ITIH5: variants seen among roughly 807,000 people sequenced by gnomAD.
ITIH5 encodes inter-alpha-trypsin inhibitor heavy chain H5.
In ITIH5, 65 loss-of-function variants were observed where a neutral mutation model predicts 77.5. The observed-to-expected ratio is 0.84, with a 90% CI of 0.69 to 1.03. The LOEUF is 1.03. Among genes scored for constraint, ITIH5 ranks in the 50% least tolerant of loss-of-function variants. The pLI, the probability that ITIH5 is intolerant of heterozygous loss-of-function variation, is 0.00. For synonymous variants in ITIH5, 525 were observed against 494.3 expected, an observed-to-expected ratio of 1.06 and a Z score of -0.82; for missense variants, 1,208 against 1,213.1, an observed-to-expected ratio of 1.00 and a Z score of 0.06.
rs1394220171 is a variant in ITIH5, at chr10:7,559,798, C to T, written c.*3285G>A. ...GGCTTGCAGGTGGCCATCTTCTCAT[C>T]GTATCCCCAGGTGGTGGAGAGGAAA... On this transcript the variant is annotated 3_prime_UTR_variant, in exon 14 of 14. Transcript: ENST00000397146. The T allele has an allele frequency of 2.4e-5, 11 of 455,370 alleles. No homozygotes were observed. The highest frequency in any genetic ancestry group is 7.1e-5 in the Admixed American group (3 of 42,424). 28.2% of individuals were successfully genotyped at this position (455,370 alleles called of 1,614,324 possible). A position where few individuals can be genotyped will look rare whatever the true frequency, so the allele number is the denominator to read the frequency against.
chr10:7,652,143 A>G (rs1312460647), intron 2 of ITIH5, among the ~76,000 whole-genome samples: 1 of 152,210 alleles, frequency 6.6e-6, no homozygotes, highest in Non-Finnish European at 1.5e-5. Flanking sequence ...TCCAAAGAGT[A>G]AATATTTTGT....
intron 2 of ITIH5, among the ~76,000 whole-genome samples, chr10:7,650,985 C>A: frequency 6.7e-6 from 1 of 149,570 alleles, no homozygotes. Context: ...CCTCCCCCGC[C>A]CCATTCTATA....
intron 5 of ITIH5, chr10:7,619,472 A>G: frequency 6.0e-6 from 1 of 167,350 alleles, no homozygotes. Context: ...GTTCACAGTC[A>G]GCAGTCATGC....
chr10:7,666,712 G>T (rs1834367168), intron 1 of ITIH5, 91 bp downstream of exon 1: 5 of 1,041,304 alleles, frequency 4.8e-6, no homozygotes, highest in Non-Finnish European at 7.0e-6. Context: ...GGAGACGGTC[G>T]AAGGGGGCCC....
chr10:7,634,374 C>A (rs1264181135), intron 5 of ITIH5, among the ~76,000 whole-genome samples: 1 of 152,128 alleles, frequency 6.6e-6, no homozygotes, highest in East Asian at 1.9e-4. Flanking sequence ...GAACAATAAC[C>A]GCTGAGCTCT....
intron 7 of ITIH5, 102 bp downstream of exon 7, chr10:7,615,880 G>T: frequency 1.3e-6 from 1 of 743,754 alleles, no homozygotes; most frequent in Non-Finnish European, 2.4e-6. Context: ...TCGCTGGATG[G>T]TAAAGCTGAC....
At chr10:7,653,966 C>T (rs535107173) in intron 2 of ITIH5, among the ~76,000 whole-genome samples, 1 of 152,168 alleles carries the variant, frequency 6.6e-6, no homozygotes, top group Non-Finnish European at 1.5e-5. Flanking sequence ...ACCAACCTAG[C>T]CAACATGGTG....
intron 2 of ITIH5, among the ~76,000 whole-genome samples, chr10:7,643,801 C>G (rs948445033): frequency 1.6e-4 from 24 of 152,312 alleles, no homozygotes; most frequent in African/African-American, 5.1e-4. Context: ...TCATCACAAA[C>G]CTTGCTTCAA....
intron 4 of ITIH5, among the ~76,000 whole-genome samples, chr10:7,637,938 G>T (rs1217743439): frequency 6.6e-6 from 1 of 152,210 alleles, no homozygotes; most frequent in Non-Finnish European, 1.5e-5. Context: ...AGCAGGAAAG[G>T]TAGGGAATAA....
intron 5 of ITIH5, among the ~76,000 whole-genome samples, chr10:7,634,743 C>T (rs1345446702): frequency 6.6e-6 from 1 of 151,986 alleles, no homozygotes; most frequent in East Asian, 1.9e-4. Context: ...ACAGGACTCC[C>T]CTCTGAACCT....
intron 7 of ITIH5, among the ~76,000 whole-genome samples, chr10:7,607,959 C>A (rs1833158715): frequency 2.0e-5 from 3 of 152,176 alleles, no homozygotes; most frequent in South Asian, 4.1e-4. Flanking sequence ...TTTCCTGGGG[C>A]CTTGCTTTCA....
chr10:7,569,357 AC>A, intron 12 of ITIH5: 1 of 237,322 alleles, frequency 4.2e-6, no homozygotes, highest in Non-Finnish European at 8.1e-6. Context: ...CATTTAAAAA[AC>A]AACTTCATAA....
At chr10:7,569,452 C>T (rs948040888) in intron 12 of ITIH5, 20 of 418,926 alleles carry the variant, frequency 4.8e-5, no homozygotes, top group Admixed American at 3.2e-4. Flanking sequence ...AAACAACTCC[C>T]AAGGCATGTG....
intron 7 of ITIH5, among the ~76,000 whole-genome samples, chr10:7,614,951 T>TA (rs1833334202): frequency 6.6e-6 from 1 of 152,036 alleles, no homozygotes; most frequent in African/African-American, 2.4e-5. Context: ...GTGAATTGTA[T>TA]AAAAAAATGA....
intron 5 of ITIH5, among the ~76,000 whole-genome samples, chr10:7,630,702 T>C (rs1235727706): frequency 6.6e-6 from 1 of 152,250 alleles, no homozygotes; most frequent in East Asian, 1.9e-4. Context: ...GGATTCTTTG[T>C]ATATTCTGGA....
chr10:7,572,295 T>C (rs757862511), intron 11 of ITIH5: 39 of 1,365,466 alleles, frequency 2.9e-5, no homozygotes, highest in East Asian at 2.3e-4. Context: ...AACCCAGTCA[T>C]AGGTTGTTCT....
chr10:7,605,047 C>T (rs1324507440), intron 7 of ITIH5, among the ~76,000 whole-genome samples: 1 of 152,060 alleles, frequency 6.6e-6, no homozygotes, highest in Non-Finnish European at 1.5e-5. Flanking sequence ...GTCTCGAACT[C>T]CTGACCTCAG....
At chr10:7,591,024 G>A (rs911551774) in intron 7 of ITIH5, among the ~76,000 whole-genome samples, 2 of 152,172 alleles carry the variant, frequency 1.3e-5, no homozygotes, top group Non-Finnish European at 2.9e-5. Flanking sequence ...AGCCTCCCGC[G>A]TAGCTGGGCT....
chr10:7,577,054 C>T, intron 9 of ITIH5, 42 bp from the exon 10 acceptor site: 2 of 1,540,554 alleles, frequency 1.3e-6, no homozygotes, highest in Non-Finnish European at 8.8e-7. Flanking sequence ...CAGGGCCCTG[C>T]TCTGACAGCA....
Sources: gnomAD v4.1 joint callset for allele counts (sites outside exome capture counted in the v4.1 genomes callset) on GRCh38, gnomAD v4.1.1 for gene constraint, MANE v1.5 for transcripts, NCBI Gene and HGNC (gene_info 2026-07-23, HGNC 2026-07-21) for gene names.